CADPS2: variants seen among roughly 807,000 people sequenced by gnomAD.
CADPS2 encodes the protein calcium-dependent secretion activator 2.
Under a neutral mutation model 172.5 loss-of-function variants are expected in CADPS2, and 93 were observed. The observed-to-expected ratio is 0.54, with a 90% confidence interval of 0.46 to 0.64. The LOEUF (loss-of-function observed/expected upper bound fraction) is 0.64, where lower values mean the gene tolerates loss of function less well. Ranked by LOEUF, CADPS2 falls within the 30% of genes least tolerant of loss-of-function variation. The probability of loss-of-function intolerance (pLI) is 0.00; values close to 1 mark genes in which losing one functional copy is unlikely to be tolerated. For missense variants in CADPS2, 1,420 were observed against 1,565.9 expected, an observed-to-expected ratio of 0.91 and a Z score of 1.57; for synonymous variants, 546 against 555.2, an observed-to-expected ratio of 0.98 and a Z score of 0.23.
chr7:122,432,643 TAAAAAAA>T (rs57311950), intron 17 of CADPS2, among the ~76,000 whole-genome samples: 2 of 108,542 alleles, frequency 1.8e-5, no homozygotes, highest in Non-Finnish European at 3.8e-5. Context: ...TCTGTTAAAA[TAAAAAAA>T]AAAAAAAAAA....
At chr7:122,692,841 C>T (rs1244728164) in intron 2 of CADPS2, among the ~76,000 whole-genome samples, 1 of 152,238 alleles carries the variant, frequency 6.6e-6, no homozygotes, top group Non-Finnish European at 1.5e-5. Context: ...TTCTCTCTGT[C>T]TTGGCTGCTT....
chr7:122,837,573 G>T (rs1035667467), intron 1 of CADPS2, among the ~76,000 whole-genome samples: 12 of 151,890 alleles, frequency 7.9e-5, no homozygotes, highest in South Asian at 2.1e-4. Context: ...TCAAATAGAC[G>T]CAATAAAAAA....
chr7:122,452,317 C>A (rs759294813), intron 14 of CADPS2, among the ~76,000 whole-genome samples: 1 of 152,116 alleles, frequency 6.6e-6, no homozygotes, highest in Non-Finnish European at 1.5e-5. Context: ...CACTTCAAAA[C>A]CTGTTTATAT....
At chr7:122,832,603 G>A (rs1157964322) in intron 1 of CADPS2, among the ~76,000 whole-genome samples, 2 of 152,200 alleles carry the variant, frequency 1.3e-5, no homozygotes, top group East Asian at 3.9e-4. Flanking sequence ...GCATATCTGT[G>A]GGAGTGGATG....
intron 8 of CADPS2, among the ~76,000 whole-genome samples, chr7:122,539,086 T>C (rs1010852032): frequency 6.6e-6 from 1 of 152,118 alleles, no homozygotes; most frequent in African/African-American, 2.4e-5. Context: ...CATGGCTATA[T>C]TAACCAATAC....
intron 3 of CADPS2, among the ~76,000 whole-genome samples, chr7:122,641,943 T>G (rs2077695809): frequency 6.6e-6 from 1 of 151,830 alleles, no homozygotes; most frequent in Non-Finnish European, 1.5e-5. Flanking sequence ...TTTTCTGGAA[T>G]GATAGCATCA....
chr7:122,415,553 T>C (rs558886239), intron 18 of CADPS2, among the ~76,000 whole-genome samples: 148 of 151,428 alleles, frequency 9.8e-4, no homozygotes, highest in Non-Finnish European at 1.7e-3. Context: ...ATTTCTTTCC[T>C]TTGTTACTGC....
At chr7:122,508,449 G>GTTTTTTTTTTTTTTTTTTTTTTTTTTTT (rs1205155217) in intron 9 of CADPS2, among the ~76,000 whole-genome samples, 1 of 68,418 alleles carries the variant, frequency 1.5e-5, no homozygotes, top group Non-Finnish European at 3.0e-5. Flanking sequence ...ATTCATTTAA[G>GTTTTTTTTTTTTTTTTTTTTTTTTTTTT]TTTTTTTTTT....
At chr7:122,452,496 A>G (rs1467988452) in intron 14 of CADPS2, among the ~76,000 whole-genome samples, 1 of 152,166 alleles carries the variant, frequency 6.6e-6, no homozygotes, top group Admixed American at 6.5e-5. Context: ...CCTGGATTCA[A>G]GCAATTCTCC....
At chr7:122,570,974 G>T (rs1442689920) in intron 7 of CADPS2, among the ~76,000 whole-genome samples, 1 of 151,900 alleles carries the variant, frequency 6.6e-6, no homozygotes, top group Non-Finnish European at 1.5e-5. Flanking sequence ...CATGGCACAT[G>T]TATACATATG....
At chr7:122,507,209 C>T (rs1035784588) in intron 9 of CADPS2, among the ~76,000 whole-genome samples, 1 of 151,974 alleles carries the variant, frequency 6.6e-6, no homozygotes. Context: ...GGAAAAGGCA[C>T]ATTCGAAAAG....
At chr7:122,818,081 C>T (rs1236089665) in intron 1 of CADPS2, among the ~76,000 whole-genome samples, 2 of 151,820 alleles carry the variant, frequency 1.3e-5, no homozygotes, top group African/African-American at 4.8e-5. Context: ...ACCCCAACCC[C>T]TTTTCCTACT....
intron 14 of CADPS2, among the ~76,000 whole-genome samples, chr7:122,463,449 T>C (rs7795913): frequency 0.25 from 38,596 of 151,940 alleles, 5,246 homozygotes; most frequent in East Asian, 0.35. Context: ...CCTCCCAAGA[T>C]ATTTTAAAAC....
rs145883288 is a variant in CADPS2 at position 122,410,910 on chromosome 7, T to C, written c.2589+3158A>G. Among the ~76,000 whole-genome samples, 580 of 152,328 alleles carry C rather than the reference T, an allele frequency of 3.8e-3. 1 individual carries two copies. Among genetic ancestry groups the C allele is most frequent in the Non-Finnish European group, 5.1e-3 (349 of 68,036 alleles). On this transcript the variant is annotated intron_variant, in intron 19 of 29. Transcript: ENST00000449022. ...CCCCCAAACAATTATTTCAGGTAGA[T>C]TGTACAATTATCCTTACTTTATAGG...
intron 1 of CADPS2, among the ~76,000 whole-genome samples, chr7:122,759,168 A>G (rs2093286604): frequency 6.6e-6 from 1 of 152,120 alleles, no homozygotes; most frequent in Non-Finnish European, 1.5e-5. Context: ...CCATTGCCAA[A>G]ATACTGTGGA....
chr7:122,795,543 T>G (rs542969602), intron 1 of CADPS2, among the ~76,000 whole-genome samples: 1 of 152,272 alleles, frequency 6.6e-6, no homozygotes, highest in Admixed American at 6.5e-5. Context: ...TTCCCTAGGA[T>G]GCAAAGTTGG....
intron 2 of CADPS2, chr7:122,698,482 G>A: frequency 5.0e-6 from 8 of 1,613,700 alleles, no homozygotes; most frequent in Non-Finnish European, 6.8e-6. Flanking sequence ...ATCTTCAAAT[G>A]CCTGATGAAA....
chr7:122,403,955 A>G (rs754580522), intron 20 of CADPS2, among the ~76,000 whole-genome samples: 36 of 152,212 alleles, frequency 2.4e-4, no homozygotes, highest in Non-Finnish European at 3.4e-4. Flanking sequence ...AATATTCATC[A>G]TCTTACCTAA....
At chr7:122,340,057 G>A in intron 28 of CADPS2, among the ~76,000 whole-genome samples, 1 of 152,058 alleles carries the variant, frequency 6.6e-6, no homozygotes, top group East Asian at 1.9e-4. Flanking sequence ...CATTTATATA[G>A]TATAGGTCAA....
Sources: gnomAD v4.1 joint callset for allele counts (sites outside exome capture counted in the v4.1 genomes callset) on GRCh38, gnomAD v4.1.1 for gene constraint, MANE v1.5 for transcripts, NCBI Gene and HGNC (gene_info 2026-07-23, HGNC 2026-07-21) for gene names.